TCF7L1: variants seen among roughly 807,000 people sequenced by gnomAD.
TCF7L1 encodes transcription factor 7 like 1.
In TCF7L1, 18 loss-of-function variants were observed where a neutral mutation model predicts 63.7. That is an observed-to-expected ratio of 0.28 (90% CI 0.20 to 0.42). The LOEUF (loss-of-function observed/expected upper bound fraction) is 0.42. Ranked by LOEUF, TCF7L1 falls within the 10% of genes least tolerant of loss-of-function variation. The pLI is 1.00. For synonymous variants in TCF7L1, 355 were observed against 340.9 expected, an observed-to-expected ratio of 1.04 and a Z score of -0.46; for missense variants, 654 against 779.3, an observed-to-expected ratio of 0.84 and a Z score of 1.91.
chr2:85,183,476 C>T (rs75252377), intron 3 of TCF7L1, among the ~76,000 whole-genome samples: 1 of 152,276 alleles, frequency 6.6e-6, no homozygotes, highest in East Asian at 1.9e-4. Context: ...CTGACATTTC[C>T]ATGATTTTGA....
At chr2:85,142,021 A>T (rs1558614082) in intron 3 of TCF7L1, among the ~76,000 whole-genome samples, 1 of 152,220 alleles carries the variant, frequency 6.6e-6, no homozygotes, top group Non-Finnish European at 1.5e-5. Flanking sequence ...GCTACATGTT[A>T]GATAATGAAA....
rs987062702 is a variant in TCF7L1, at chr2:85,309,258, C to T, written c.1563C>T (p.Ala521=). The T allele has an allele frequency of 1.2e-6, 2 of 1,613,980 alleles. No individual in the cohort carries two copies. The highest frequency in any genetic ancestry group is 1.7e-6 in the Non-Finnish European group (2 of 1,180,014). The change falls in exon 12 of 12, where the codon GCC becomes GCT. Residue 521 remains alanine, a synonymous_variant. Coordinates refer to ENST00000282111, the MANE Select transcript of TCF7L1 (RefSeq NM_031283.3). ...CCCAGCTGGCTCTCCACTCTGCCGC[C>T]TTCCTGTCGGCTAAGGCTGCAGCCT... is the stretch of plus-strand genomic sequence containing the variant. ...TRAQLALHSA[A]FLSAKAAASS...
At chr2:85,157,241 C>T (rs961190142) in intron 3 of TCF7L1, among the ~76,000 whole-genome samples, 1 of 152,202 alleles carries the variant, frequency 6.6e-6, no homozygotes, top group African/African-American at 2.4e-5. Flanking sequence ...AGGCCCAGAA[C>T]TTGGGCTTCT....
intron 3 of TCF7L1, among the ~76,000 whole-genome samples, chr2:85,231,375 CAG>C (rs1347784732): frequency 2.6e-5 from 4 of 152,228 alleles, no homozygotes; most frequent in Non-Finnish European, 4.4e-5. Flanking sequence ...GCTGAGATGA[CAG>C]AGTTATCTGG....
intron 4 of TCF7L1, among the ~76,000 whole-genome samples, chr2:85,298,565 C>T (rs1456700184): frequency 1.3e-5 from 2 of 151,034 alleles, no homozygotes; most frequent in African/African-American, 2.4e-5. Context: ...TTGTCTTGTA[C>T]CAACTCTAGA....
intron 3 of TCF7L1, among the ~76,000 whole-genome samples, chr2:85,161,975 G>A (rs1678296792): frequency 6.6e-6 from 1 of 152,194 alleles, no homozygotes; most frequent in Non-Finnish European, 1.5e-5. Context: ...CAAGCCAGGT[G>A]TTGGGCCACA....
Position 85,294,026 on chromosome 2 carries a change from A to ATTTTTTTTTTTTT in TCF7L1, c.526-8442_526-8430dup, listed in dbSNP as rs774050758. Among the ~76,000 whole-genome samples, 421 of 59,478 alleles carry ATTTTTTTTTTTTT rather than the reference A, an allele frequency of 7.1e-3. 50 individuals carry two copies. Among genetic ancestry groups the ATTTTTTTTTTTTT allele is most frequent in the Middle Eastern group, 0.015 (1 of 68 alleles). 39.0% of individuals were successfully genotyped at this position (59,478 alleles called of 152,430 possible). On this transcript the variant is annotated intron_variant, in intron 4 of 11. Coordinates refer to ENST00000282111, the MANE Select transcript of TCF7L1 (RefSeq NM_031283.3). ...ATTTAGGTGTGGCCTGAACACTGGG[A>ATTTTTTTTTTTTT]TTTTTTTTTTTTTTTTTTTTTTTTT... is the stretch of plus-strand genomic sequence containing the variant.
rs747808944 is a variant in TCF7L1, at chr2:85,309,709, A to G, written c.*247A>G. 2.8e-5 allele frequency: 12 copies of G among 428,536 alleles called. No homozygotes were observed. Among genetic ancestry groups the G allele is most frequent in the African/African-American group, 4.1e-5 (2 of 49,036 alleles). The allele number at this position is 428,536 out of a possible 1,614,324, so 26.5% of individuals were successfully genotyped here. On this transcript the variant is annotated 3_prime_UTR_variant, in exon 12 of 12. Transcript: ENST00000282111. Reference sequence around the variant, plus strand: ...AAAGAGAACTGAAAAGTAGCGTGCTATTCGTCCTGTAGGTGCTGTGGTGGA... The same window carrying G: ...AAAGAGAACTGAAAAGTAGCGTGCTGTTCGTCCTGTAGGTGCTGTGGTGGA...
rs565143659 is a variant in TCF7L1 at position 85,142,018 on chromosome 2, G to T, written c.441+7568G>T. ...AATGTTGGGAACCTTTTAGCTACAT[G>T]TTAGATAATGAAATGTTTGTGTATT... is the stretch of plus-strand genomic sequence containing the variant. On this transcript the variant is annotated intron_variant, in intron 3 of 11. Coordinates refer to ENST00000282111, the MANE Select transcript of TCF7L1 (RefSeq NM_031283.3). Among the ~76,000 whole-genome samples, 24 of 152,300 alleles carry T rather than the reference G, an allele frequency of 1.6e-4. No individual in the cohort carries two copies. In the East Asian group the frequency reaches 4.4e-3, roughly 28 times the overall value.
In TCF7L1 at chr2:85,309,374, C is replaced by G; in HGVS notation, c.1679C>G (p.Pro560Arg). 1 of 1,603,712 alleles carries G rather than the reference C, an allele frequency of 6.2e-7. No homozygotes were observed. The highest frequency in any genetic ancestry group is 1.1e-5 in the South Asian group (1 of 89,514). The change falls in exon 12 of 12, where the codon CCG (proline) becomes CGG (arginine). Residue 560 changes from proline (P) to arginine (R), a missense_variant. Physicochemically the swap from Pro to Arg is moderately radical, Grantham distance 103 (BLOSUM62 -2). Around this residue, in one of 3 missense-constraint regions of TCF7L1, gnomAD observed 184 missense variants for 204.0 expected, o/e 0.90. Coordinates refer to ENST00000282111, the MANE Select transcript of TCF7L1 (RefSeq NM_031283.3). Reference sequence around the variant, plus strand: ...CCCACAGCTCTGCTGGCCTCTCCCCCGTCCTTCCCCGCCACGCTCCATGCC... The same window carrying G: ...CCCACAGCTCTGCTGGCCTCTCCCCGGTCCTTCCCCGCCACGCTCCATGCC... ...SMPTALLASP[P>R]SFPATLHAHQ... is the part of the protein sequence containing the mutation.
At position 85,308,433 on chromosome 2, in the gene TCF7L1, C is replaced by CTCCCTCCCTTTCTCTT. The variant is rs1553409327; in HGVS notation, c.1334-586_1334-571dup. 1.5e-4 allele frequency among the ~76,000 whole-genome samples: 17 copies of CTCCCTCCCTTTCTCTT among 111,174 alleles called. 1 individual carries two copies. The highest frequency in any genetic ancestry group is 1.9e-4 in the African/African-American group (5 of 25,928). The allele number at this position is 111,174 out of a possible 152,430, so 72.9% of individuals were successfully genotyped here. ...CCTTTCCCCTTCCCTCCCTCCTTTT[C>CTCCCTCCCTTTCTCTT]TCCCTCCCTTTCTCTTTCCCTCCCT... is the stretch of plus-strand genomic sequence containing the variant. On this transcript the variant is annotated intron_variant, in intron 11 of 11. Transcript: ENST00000282111.
intron 3 of TCF7L1, among the ~76,000 whole-genome samples, chr2:85,235,087 G>A (rs1680163254): frequency 6.6e-6 from 1 of 152,126 alleles, no homozygotes; most frequent in Non-Finnish European, 1.5e-5. Context: ...GAGGCTCTGT[G>A]TGCTGGATGA....
intron 3 of TCF7L1, among the ~76,000 whole-genome samples, chr2:85,255,950 C>G (rs970337180): frequency 1.3e-5 from 2 of 152,144 alleles, no homozygotes; most frequent in Non-Finnish European, 2.9e-5. Context: ...GGATGATTGT[C>G]TGAGTTGGTG....
At chr2:85,137,223 G>A (rs1044713847) in intron 3 of TCF7L1, among the ~76,000 whole-genome samples, 1 of 152,180 alleles carries the variant, frequency 6.6e-6, no homozygotes, top group African/African-American at 2.4e-5. Flanking sequence ...CCTAGGAATA[G>A]CAGGCAGGAG....
At chr2:85,239,080 C>G (rs555329973) in intron 3 of TCF7L1, among the ~76,000 whole-genome samples, 1 of 151,960 alleles carries the variant, frequency 6.6e-6, no homozygotes, top group Admixed American at 6.6e-5. Flanking sequence ...ATGACTAAAT[C>G]TGATATAAAA....
intron 3 of TCF7L1, among the ~76,000 whole-genome samples, chr2:85,232,508 G>A (rs1056782070): frequency 1.3e-5 from 2 of 152,158 alleles, no homozygotes; most frequent in African/African-American, 2.4e-5. Context: ...CCATTCGTCT[G>A]TCTCATTCCG....
At chr2:85,303,175 C>G (rs1418315932) in intron 5 of TCF7L1, among the ~76,000 whole-genome samples, 1 of 152,090 alleles carries the variant, frequency 6.6e-6, no homozygotes, top group Non-Finnish European at 1.5e-5. Flanking sequence ...GGACCACAGG[C>G]GCATGCCACC....
At chr2:85,261,818 C>T (rs559622649) in intron 3 of TCF7L1, among the ~76,000 whole-genome samples, 3 of 152,260 alleles carry the variant, frequency 2.0e-5, no homozygotes, top group Admixed American at 6.5e-5. Context: ...GCCCAGGAGG[C>T]CACAGTGAGC....
chr2:85,302,464 G>C lies in TCF7L1; in HGVS notation c.526-20G>C, dbSNP rs2104387250. The C allele has an allele frequency of 3.7e-6, 6 of 1,613,974 alleles. No homozygotes were observed. Among genetic ancestry groups the C allele is most frequent in the East Asian group, 2.2e-5 (1 of 44,880 alleles). On this transcript the variant is annotated intron_variant, in intron 4 of 11. Coordinates refer to ENST00000282111, the MANE Select transcript of TCF7L1 (RefSeq NM_031283.3). The stretch of plus-strand genomic sequence containing the variant: ...TCCATCTCCTTGGCAACCATTCCTG[G>C]TCTTTTTTGTCTCTTTCAGTCTAAT...
Sources: allele counts gnomAD v4.1 joint callset (sites outside exome capture counted in the v4.1 genomes callset), GRCh38; gene constraint gnomAD v4.1.1; regional missense constraint gnomAD v4.1.1; transcripts MANE v1.5; gene names NCBI Gene and HGNC (gene_info 2026-07-23, HGNC 2026-07-21).